MORN1: variants seen among roughly 807,000 people sequenced by gnomAD.
MORN1 encodes the protein MORN repeat-containing protein 1.
MORN1 carries 67 observed loss-of-function variants against 61.9 expected under a neutral mutation model. That is an observed-to-expected ratio of 1.08 (90% CI 0.89 to 1.33). The LOEUF is 1.33. MORN1 is among the 40% of genes most tolerant of loss of function. MORN1 has a pLI of 0.00. For missense variants in MORN1, 752 were observed against 691.2 expected, an observed-to-expected ratio of 1.09 and a Z score of -0.99; for synonymous variants, 301 against 292.0, an observed-to-expected ratio of 1.03 and a Z score of -0.31.
chr1:2,339,423 C>T (rs1243090098), intron 10 of MORN1, among the ~76,000 whole-genome samples: 1 of 152,208 alleles, frequency 6.6e-6, no homozygotes, highest in Non-Finnish European at 1.5e-5. Context: ...ACCGCAGCGG[C>T]CCCTGGGTCC....
At position 2,321,476 on chromosome 1, in the gene MORN1, G is replaced by A; in HGVS notation, c.1401C>T (p.Gly467=). The A allele has an allele frequency of 6.5e-7, 1 of 1,532,072 alleles. No individual in the cohort carries two copies. The highest frequency in any genetic ancestry group is 8.8e-7 in the Non-Finnish European group (1 of 1,138,726). The allele number at this position is 1,532,072 out of a possible 1,614,324, so 94.9% of individuals were successfully genotyped here. The change falls in exon 14 of 14, where the codon GGC becomes GGT. Residue 467 remains glycine (G), a synonymous_variant. Coordinates refer to ENST00000378531, the MANE Select transcript of MORN1 (RefSeq NM_024848.3). The part of the protein sequence containing the change: ...KHLRVVAKRA[G]QPPHVLEEGP... ...CTTCTTCCAGGACATGGGGTGGCTG[G>A]CCAGCCCTCTTCGCTACGACCCGCA...
At chr1:2,327,187 CAG>C (rs144331124) in intron 12 of MORN1, among the ~76,000 whole-genome samples, 18,795 of 131,378 alleles carry the variant, frequency 0.14, 2,365 homozygotes, top group South Asian at 0.21. Context: ...CACAGAGACA[CAG>C]AGACACAGAA....
At chr1:2,336,355 C>T (rs1274535066) in intron 12 of MORN1, 114 bp downstream of exon 12, 1 of 1,074,130 alleles carries the variant, frequency 9.3e-7, no homozygotes, top group Non-Finnish European at 1.3e-6. Context: ...GGCTCACTGT[C>T]TTCCCAGACC....
intron 6 of MORN1, chr1:2,378,972 CAGA>C (rs1482101209): frequency 2.1e-6 from 1 of 468,206 alleles, no homozygotes; most frequent in South Asian, 1.5e-5. Context: ...TATTTTCCGT[CAGA>C]AGAAGCTGTA....
At chr1:2,345,581 C>G (rs1302020432) in intron 10 of MORN1, among the ~76,000 whole-genome samples, 1 of 152,244 alleles carries the variant, frequency 6.6e-6, no homozygotes, top group African/African-American at 2.4e-5. Flanking sequence ...ACACAGGCTG[C>G]CGGCAGCATT....
Position 2,387,511 on chromosome 1 carries a change from T to G in MORN1, c.266A>C (p.Gln89Pro). 6.2e-7 allele frequency: 1 copy of G among 1,612,606 alleles called. No individual in the cohort carries two copies. Among genetic ancestry groups the G allele is most frequent in the South Asian group, 1.1e-5 (1 of 91,078 alleles). ...GCCTTGAGGCTCTCCCAGAACAAAC[T>G]GTCCAGAGAAGGTGTCTCCTGCATG... ...WAWSGDTFSG[Q>P]FVLGEPQGYG... The change falls in exon 4 of 14, where the codon CAG (glutamine) becomes CCG (proline). Residue 89 changes from glutamine to proline, a missense_variant. Physicochemically the swap from Gln to Pro is moderately conservative, Grantham distance 76 (BLOSUM62 -1). Transcript: ENST00000378531.
intron 10 of MORN1, among the ~76,000 whole-genome samples, chr1:2,354,696 T>G (rs986490621): frequency 6.6e-6 from 1 of 152,180 alleles, no homozygotes; most frequent in Non-Finnish European, 1.5e-5. Context: ...GAGGCCAGCA[T>G]GCGCACTCAG....
chr1:2,379,610 C>A (rs570089231), intron 6 of MORN1, among the ~76,000 whole-genome samples: 2 of 152,188 alleles, frequency 1.3e-5, no homozygotes, highest in South Asian at 4.1e-4. Context: ...TGCCAAGAAG[C>A]GTCAAAGAGG....
At chr1:2,370,516 G>C (rs1309900731) in intron 8 of MORN1, among the ~76,000 whole-genome samples, 3 of 152,138 alleles carry the variant, frequency 2.0e-5, no homozygotes, top group Non-Finnish European at 4.4e-5. Context: ...AAAAACTTTT[G>C]CTGTTCCAAA....
At chr1:2,323,787 C>G in intron 13 of MORN1, 1 of 985,334 alleles carries the variant, frequency 1.0e-6, no homozygotes, top group Non-Finnish European at 1.2e-6. Context: ...TCCCCTTGGA[C>G]CCCAAGGCCT....
intron 9 of MORN1, 127 bp downstream of exon 9, chr1:2,358,465 G>T: frequency 8.0e-7 from 1 of 1,255,196 alleles, no homozygotes; most frequent in Non-Finnish European, 1.1e-6. Flanking sequence ...AACAGACATC[G>T]AATATTTCAT....
chr1:2,332,520 G>C (rs926779537), intron 12 of MORN1: 3 of 436,328 alleles, frequency 6.9e-6, no homozygotes, highest in African/African-American at 6.1e-5. Flanking sequence ...ACCCCACGCA[G>C]GCCGCTAGGA....
chr1:2,358,364 G>C (rs1419744220), intron 9 of MORN1, among the ~76,000 whole-genome samples: 1 of 152,182 alleles, frequency 6.6e-6, no homozygotes, highest in Non-Finnish European at 1.5e-5. Context: ...GGGGAGACTA[G>C]GGGCTCTGAC....
chr1:2,346,296 GGAGGCT>G (rs1641515072), intron 10 of MORN1, among the ~76,000 whole-genome samples: 1 of 152,250 alleles, frequency 6.6e-6, no homozygotes, highest in Non-Finnish European at 1.5e-5. Context: ...CCAAGTGCTG[GGAGGCT>G]GAGGCAGGAG....
intron 12 of MORN1, among the ~76,000 whole-genome samples, chr1:2,332,998 C>A (rs891573704): frequency 2.0e-5 from 3 of 152,216 alleles, no homozygotes; most frequent in Non-Finnish European, 4.4e-5. Context: ...CCAACCCCCA[C>A]GGGTCCCCCA....
At chr1:2,348,224 C>G (rs936411211) in intron 10 of MORN1, among the ~76,000 whole-genome samples, 1 of 152,230 alleles carries the variant, frequency 6.6e-6, no homozygotes, top group South Asian at 2.1e-4. Flanking sequence ...CCCGTGTGGC[C>G]GTGTCTGAGG....
chr1:2,354,634 A>G (rs527472366), intron 10 of MORN1, among the ~76,000 whole-genome samples: 1 of 152,032 alleles, frequency 6.6e-6, no homozygotes, highest in Non-Finnish European at 1.5e-5. Flanking sequence ...ACTGCACCAG[A>G]CCCCAGGCCA....
intron 12 of MORN1, among the ~76,000 whole-genome samples, chr1:2,335,849 G>GCA (rs1641262531): frequency 3.6e-5 from 5 of 139,134 alleles, no homozygotes; most frequent in African/African-American, 1.7e-4. Context: ...AGCCCAGCGC[G>GCA]CAGCTGCCCC....
chr1:2,350,043 C>A (rs1641612005), intron 10 of MORN1, among the ~76,000 whole-genome samples: 1 of 152,260 alleles, frequency 6.6e-6, no homozygotes, highest in South Asian at 2.1e-4. Flanking sequence ...TGCACTCCAA[C>A]TCAATGGCCC....
Sources: gnomAD v4.1 joint callset for allele counts (sites outside exome capture counted in the v4.1 genomes callset) on GRCh38, gnomAD v4.1.1 for gene constraint, MANE v1.5 for transcripts, NCBI Gene and HGNC (gene_info 2026-07-23, HGNC 2026-07-21) for gene names.